The following DCAF5 variants were observed in gnomAD, a reference collection of about 807,000 sequenced individuals.
The protein encoded by DCAF5 is DDB1 and CUL4 associated factor 5, also known as DDB1- and CUL4-associated factor 5.
DCAF5 carries 9 observed loss-of-function variants against 80.7 expected under a neutral mutation model. The ratio of observed to expected loss-of-function variants is 0.11; its 90% CI spans 0.07 to 0.19. The LOEUF is 0.19. Among genes scored for constraint, DCAF5 ranks in the 10% least tolerant of loss-of-function variants. The pLI is 1.00. For synonymous variants in DCAF5, 433 were observed against 461.9 expected (o/e 0.94, Z 0.80); for missense variants, 842 against 1,205.7 (o/e 0.70, Z 4.47).
At chr14:69,105,159 A>G (rs1180515536) in intron 5 of DCAF5, among the ~76,000 whole-genome samples, 1 of 152,170 alleles carries the variant, frequency 6.6e-6, no homozygotes, top group Non-Finnish European at 1.5e-5. Flanking sequence ...AAATAATTGA[A>G]AACAGGTTCT....
At position 69,054,175 on chromosome 14, in the gene DCAF5, T is replaced by C. The variant is rs2037860336; in HGVS notation, c.2511A>G (p.Leu837=). ...TGTGAGGGTGAGGGGGACGAGGGTG[T>C]AAGCGTCCATTGTTGTGGTTGGCAC... ...TICANHNNGR[L]HPRPPHPHNN... is the part of the protein sequence containing the mutation. The change falls in exon 9 of 9, where the codon TTA becomes TTG. Residue 837 remains leucine, a synonymous_variant. Transcript: ENST00000341516. The C allele has an allele frequency of 6.2e-7, 1 of 1,614,108 alleles. No individual in the cohort carries two copies. Among genetic ancestry groups the C allele is most frequent in the Non-Finnish European group, 8.5e-7 (1 of 1,180,042 alleles).
intron 1 of DCAF5, among the ~76,000 whole-genome samples, chr14:69,142,339 AC>A (rs1208937381): frequency 5.9e-5 from 9 of 152,148 alleles, no homozygotes; most frequent in African/African-American, 2.2e-4. Flanking sequence ...ACAAACTACT[AC>A]TGTCAAGTCT....
chr14:69,053,755 T>C lies in DCAF5; in HGVS notation c.*102A>G. 13 of 1,182,928 alleles carry C rather than the reference T, an allele frequency of 1.1e-5. No individual in the cohort carries two copies. Among genetic ancestry groups the C allele is most frequent in the Non-Finnish European group, 1.3e-5 (11 of 870,918 alleles). 73.3% of individuals were successfully genotyped at this position (1,182,928 alleles called of 1,614,324 possible). On this transcript the variant is annotated 3_prime_UTR_variant, in exon 9 of 9. Transcript: ENST00000341516. The stretch of plus-strand genomic sequence containing the variant: ...CACAAAATTTCAGGCCCTGGTTTCA[T>C]GTGCCTTTAATACTTGTTTTTCCTT...
chr14:69,131,709 A>G (rs1356670907), intron 1 of DCAF5, among the ~76,000 whole-genome samples: 1 of 151,942 alleles, frequency 6.6e-6, no homozygotes, highest in Non-Finnish European at 1.5e-5. Flanking sequence ...TAGCATTCCA[A>G]ATGAGGAATG....
At chr14:69,113,786 A>T (rs2040451139) in intron 5 of DCAF5, among the ~76,000 whole-genome samples, 1 of 152,224 alleles carries the variant, frequency 6.6e-6, no homozygotes, top group African/African-American at 2.4e-5. Context: ...TGCTAAGTTA[A>T]GAAGAGTTCC....
intron 2 of DCAF5, among the ~76,000 whole-genome samples, chr14:69,121,992 TAAAG>T (rs1595037095): frequency 6.6e-6 from 1 of 150,426 alleles, no homozygotes; most frequent in African/African-American, 2.5e-5. Flanking sequence ...CAAAGAGAAA[TAAAG>T]AAAAAGACAG....
rs1353447231 is a variant in DCAF5 at position 69,051,377 on chromosome 14, G to T, written c.*2480C>A. 1 of 152,428 alleles carries T rather than the reference G, an allele frequency of 6.6e-6. No individual in the cohort carries two copies. The highest frequency in any genetic ancestry group is 1.5e-5 in the Non-Finnish European group (1 of 68,036). 9.4% of individuals were successfully genotyped at this position (152,428 alleles called of 1,614,324 possible). A position where few individuals can be genotyped will look rare whatever the true frequency, so the allele number is the denominator to read the frequency against. On this transcript the variant is annotated 3_prime_UTR_variant, in exon 9 of 9. Transcript: ENST00000341516. The stretch of plus-strand genomic sequence containing the variant: ...GGTACTCTAGAAGTGGTTCCTGCCA[G>T]GTTTCCAGACCCACAACCATAGACA...
intron 5 of DCAF5, among the ~76,000 whole-genome samples, chr14:69,109,934 T>C (rs963353703): frequency 6.6e-6 from 1 of 152,232 alleles, no homozygotes; most frequent in Admixed American, 6.5e-5. Context: ...TGTACTCACC[T>C]AAAATGTATG....
At chr14:69,079,414 CTCT>C (rs2039018375) in intron 6 of DCAF5, among the ~76,000 whole-genome samples, 1 of 152,134 alleles carries the variant, frequency 6.6e-6, no homozygotes, top group South Asian at 2.1e-4. Flanking sequence ...CCTCTTGGAA[CTCT>C]TCTTCCACCC....
chr14:69,113,045 C>T (rs2040424990), intron 5 of DCAF5, among the ~76,000 whole-genome samples: 1 of 152,020 alleles, frequency 6.6e-6, no homozygotes, highest in East Asian at 1.9e-4. Flanking sequence ...TGCCAGCCAG[C>T]CCTCTAATCA....
chr14:69,136,635 C>G (rs2041204699), intron 1 of DCAF5, among the ~76,000 whole-genome samples: 3 of 151,996 alleles, frequency 2.0e-5, no homozygotes, highest in Admixed American at 1.3e-4. Context: ...TACTTTAGGA[C>G]AGTGGTTTTC....
Position 69,118,030 on chromosome 14 carries a change from C to T in DCAF5, c.535+109G>A. ...CATGTGAGTGTTTCACATTTCCTTT[C>T]CCTTGACATCACTTGCACATAGATA... On this transcript the variant is annotated intron_variant, in intron 4 of 8. Transcript: ENST00000341516. The surrounding 1 kb of genome is among the most constrained non-coding windows in gnomAD (Gnocchi z 4.0). 6.9e-7 allele frequency: 1 copy of T among 1,455,874 alleles called. No homozygotes were observed. The highest frequency in any genetic ancestry group is 9.5e-7 in the Non-Finnish European group (1 of 1,055,138). 90.2% of individuals were successfully genotyped at this position (1,455,874 alleles called of 1,614,324 possible).
At chr14:69,112,882 T>A (rs2040419807) in intron 5 of DCAF5, among the ~76,000 whole-genome samples, 1 of 152,208 alleles carries the variant, frequency 6.6e-6, no homozygotes. Flanking sequence ...CCAAGAAGTA[T>A]GGCTTCAGAG....
intron 5 of DCAF5, among the ~76,000 whole-genome samples, chr14:69,110,734 C>T (rs998518593): frequency 5.3e-5 from 8 of 151,708 alleles, no homozygotes; most frequent in Non-Finnish European, 8.8e-5. Context: ...AAAAATTAGC[C>T]AGGCATGATA....
At chr14:69,119,338 T>C (rs2140062813) in intron 2 of DCAF5, 108 bp from the exon 3 acceptor site, 1 of 1,046,444 alleles carries the variant, frequency 9.6e-7, no homozygotes, top group Non-Finnish European at 1.4e-6. Context: ...ACAAAGCCAA[T>C]GCTAATACAA....
At chr14:69,099,251 A>AACACACACACACACACACACAC (rs60913200) in intron 5 of DCAF5, among the ~76,000 whole-genome samples, 1 of 124,266 alleles carries the variant, frequency 8.0e-6, no homozygotes, top group African/African-American at 3.0e-5. Flanking sequence ...ACTCTGTCTC[A>AACACACACACACACACACACAC]ACACACACAC....
chr14:69,119,238 AG>A lies in DCAF5; in HGVS notation c.359-9del. 6.2e-7 allele frequency: 1 copy of A among 1,613,396 alleles called. No homozygotes were observed. Among genetic ancestry groups the A allele is most frequent in the Non-Finnish European group, 8.5e-7 (1 of 1,179,766 alleles). ...TAACTTGCTCATCATTGCCTGCAAA[AG>A]AAAAAAGCAGACATCTGATCATTCG... On this transcript the variant is annotated splice_polypyrimidine_tract_variant and intron_variant, in intron 2 of 8. Transcript: ENST00000341516.
chr14:69,085,438 T>C, intron 6 of DCAF5: 1 of 451,116 alleles, frequency 2.2e-6, no homozygotes, highest in South Asian at 2.1e-5. Context: ...AAATGATTCT[T>C]TTCCTCCCTT....
At chr14:69,139,018 G>T (rs1183819886) in intron 1 of DCAF5, among the ~76,000 whole-genome samples, 1 of 151,878 alleles carries the variant, frequency 6.6e-6, no homozygotes, top group Non-Finnish European at 1.5e-5. Flanking sequence ...AGGTGTGATG[G>T]CACGTGCTTG....
Sources: gnomAD v4.1 joint callset for allele counts (sites outside exome capture counted in the v4.1 genomes callset) on GRCh38, gnomAD v4.1.1 for gene constraint, Gnocchi (gnomAD v3.1) non-coding constraint, MANE v1.5 for transcripts, NCBI Gene and HGNC (gene_info 2026-07-23, HGNC 2026-07-21) for gene names.